The following SIPA1L1 variants were observed in gnomAD, a reference collection of about 807,000 sequenced individuals.
SIPA1L1 encodes signal-induced proliferation-associated 1-like protein 1.
SIPA1L1 carries 26 observed loss-of-function variants against 162.7 expected under a neutral mutation model. The ratio of observed to expected loss-of-function variants is 0.16; its 90% confidence interval spans 0.12 to 0.22. The LOEUF (loss-of-function observed/expected upper bound fraction) is 0.22, where lower values mean the gene tolerates loss of function less well. SIPA1L1 is among the 10% of genes least tolerant of loss of function. The probability of loss-of-function intolerance (pLI) is 1.00; values close to 1 mark genes in which losing one functional copy is unlikely to be tolerated. For missense variants in SIPA1L1, 1,874 were observed against 2,241.0 expected (o/e 0.84, Z 3.31); for synonymous variants, 829 against 837.4 (o/e 0.99, Z 0.17).
At chr14:71,547,169 G>A (rs926061688) in intron 4 of SIPA1L1, among the ~76,000 whole-genome samples, 6 of 149,972 alleles carry the variant, frequency 4.0e-5, no homozygotes, top group African/African-American at 1.5e-4. Context: ...TGTTATATGT[G>A]TTAGAAACTC....
chr14:71,511,412 G>A (rs2051137408), intron 2 of SIPA1L1, among the ~76,000 whole-genome samples: 1 of 151,986 alleles, frequency 6.6e-6, no homozygotes, highest in Non-Finnish European at 1.5e-5. Flanking sequence ...AGCCTCCCTA[G>A]TAGCTGAGAC....
intron 5 of SIPA1L1, among the ~76,000 whole-genome samples, chr14:71,618,528 T>C (rs1165550278): frequency 2.6e-5 from 4 of 152,082 alleles, no homozygotes; most frequent in Admixed American, 6.5e-5. Context: ...ATCTGTAGAG[T>C]AGTAAAAAAC....
chr14:71,677,688 A>G (rs1273883593), intron 12 of SIPA1L1, among the ~76,000 whole-genome samples: 2 of 152,348 alleles, frequency 1.3e-5, no homozygotes, highest in East Asian at 1.9e-4. Flanking sequence ...AGCTTCCTAC[A>G]TATGGCTAGC....
chr14:71,446,330 T>C (rs1254728656), intron 2 of SIPA1L1, among the ~76,000 whole-genome samples: 1 of 152,332 alleles, frequency 6.6e-6, no homozygotes, highest in Admixed American at 6.5e-5. Context: ...TAAAACAAAA[T>C]TGGAATTCTA....
At chr14:71,335,368 T>A (rs1185685047) in intron 2 of SIPA1L1, among the ~76,000 whole-genome samples, 3 of 152,108 alleles carry the variant, frequency 2.0e-5, no homozygotes, top group Non-Finnish European at 4.4e-5. Context: ...CCACAAGCAG[T>A]TTTGAACAGA....
intron 7 of SIPA1L1, 112 bp from the exon 8 acceptor site, chr14:71,650,223 A>C: frequency 9.6e-7 from 1 of 1,046,578 alleles, no homozygotes. Context: ...TTTCAAGAGA[A>C]GAAAGGTGTT....
intron 13 of SIPA1L1, among the ~76,000 whole-genome samples, chr14:71,695,103 A>G (rs2081529584): frequency 6.6e-6 from 1 of 152,088 alleles, no homozygotes; most frequent in Non-Finnish European, 1.5e-5. Flanking sequence ...GGTGGCTTCC[A>G]CTCTCCCACT....
intron 2 of SIPA1L1, among the ~76,000 whole-genome samples, chr14:71,423,539 G>A (rs540320453): frequency 4.8e-4 from 73 of 152,236 alleles, no homozygotes; most frequent in African/African-American, 1.7e-3. Flanking sequence ...TGCATATGCA[G>A]TTTTCCCAGC....
intron 2 of SIPA1L1, among the ~76,000 whole-genome samples, chr14:71,474,248 C>T (rs1226962021): frequency 6.6e-6 from 1 of 152,198 alleles, no homozygotes. Context: ...CTATGATCAA[C>T]TATGAAGTTA....
chr14:71,450,845 G>A (rs1024820614), intron 2 of SIPA1L1, among the ~76,000 whole-genome samples: 2 of 152,102 alleles, frequency 1.3e-5, no homozygotes, highest in Non-Finnish European at 2.9e-5. Context: ...ACAATATGGA[G>A]GTTCCTTAAA....
intron 12 of SIPA1L1, among the ~76,000 whole-genome samples, chr14:71,672,904 T>C (rs1372510917): frequency 6.6e-6 from 1 of 152,232 alleles, no homozygotes; most frequent in African/African-American, 2.4e-5. Flanking sequence ...AATATCTATC[T>C]TAAGAATTTT....
chr14:71,401,825 T>C (rs2041693476), intron 2 of SIPA1L1, among the ~76,000 whole-genome samples: 1 of 152,226 alleles, frequency 6.6e-6, no homozygotes, highest in East Asian at 1.9e-4. Flanking sequence ...CTCATAAATA[T>C]AAGATTTTTT....
In SIPA1L1 at chr14:71,652,638, C is replaced by G. The variant is rs201620410; in HGVS notation, c.1993+2129C>G. ...ATGAGGCCCTGGTTCTTTTTTTTTT[C>G]CCCCTAACCTTTTTTTTTCCTTCTG... is the stretch of plus-strand genomic sequence containing the variant. On this transcript the variant is annotated intron_variant, in intron 8 of 23. Transcript: ENST00000381232. Among the ~76,000 whole-genome samples, 4 of 140,274 alleles carry G rather than the reference C, an allele frequency of 2.9e-5. No homozygotes were observed. The East Asian group carries it at 9.1e-4, about 32-fold the overall frequency. The allele number at this position is 140,274 out of a possible 152,430, so 92.0% of individuals were successfully genotyped here.
chr14:71,512,595 A>AT (rs2051265284), intron 2 of SIPA1L1, 148 bp from the exon 3 acceptor site: 1 of 148,062 alleles, frequency 6.8e-6, no homozygotes, highest in Non-Finnish European at 1.5e-5. Context: ...CAAAAAAAAA[A>AT]AAAAAAAAGG....
chr14:71,440,848 C>T (rs1264491877), intron 2 of SIPA1L1, among the ~76,000 whole-genome samples: 6 of 151,740 alleles, frequency 4.0e-5, no homozygotes, highest in Non-Finnish European at 5.9e-5. Flanking sequence ...GAATTTTTAC[C>T]CTTTTAATGT....
chr14:71,519,499 G>A, intron 3 of SIPA1L1, among the ~76,000 whole-genome samples: 1 of 152,012 alleles, frequency 6.6e-6, no homozygotes, highest in Non-Finnish European at 1.5e-5. Flanking sequence ...ACTCCTTGGA[G>A]AAATGAGACC....
chr14:71,728,616 T>C (rs1013741691), intron 19 of SIPA1L1, among the ~76,000 whole-genome samples: 1 of 152,260 alleles, frequency 6.6e-6, no homozygotes, highest in Non-Finnish European at 1.5e-5. Flanking sequence ...GTATCCACTG[T>C]ATTTCTGGGT....
At chr14:71,434,429 G>A (rs2044227593) in intron 2 of SIPA1L1, among the ~76,000 whole-genome samples, 1 of 152,178 alleles carries the variant, frequency 6.6e-6, no homozygotes, top group Non-Finnish European at 1.5e-5. Context: ...TCATATGGAT[G>A]TTACAAGTCC....
intron 9 of SIPA1L1, among the ~76,000 whole-genome samples, chr14:71,660,181 G>T (rs1030487545): frequency 6.6e-6 from 1 of 151,980 alleles, no homozygotes; most frequent in Non-Finnish European, 1.5e-5. Flanking sequence ...TTTGTTTTTG[G>T]TATGTCCAAG....
Sources: allele counts gnomAD v4.1 joint callset (sites outside exome capture counted in the v4.1 genomes callset), GRCh38; gene constraint gnomAD v4.1.1; transcripts MANE v1.5; gene names NCBI Gene and HGNC (gene_info 2026-07-23, HGNC 2026-07-21).